The following TNS3 variants were observed in gnomAD, a reference collection of about 807,000 sequenced individuals.
TNS3 encodes the protein tensin 3.
Under a neutral mutation model 140.9 loss-of-function variants are expected in TNS3, and 45 were observed. That is an observed-to-expected ratio of 0.32 (90% CI 0.25 to 0.41). The LOEUF (loss-of-function observed/expected upper bound fraction) is 0.41, where lower values mean the gene tolerates loss of function less well. TNS3 is among the 10% of genes least tolerant of loss of function. The pLI, the probability that TNS3 is intolerant of heterozygous loss-of-function variation, is 1.00. For synonymous variants in TNS3, 815 were observed against 788.4 expected (o/e 1.03, Z -0.56); for missense variants, 1,716 against 1,906.7 (o/e 0.90, Z 1.86).
intron 20 of TNS3, among the ~76,000 whole-genome samples, chr7:47,331,203 T>G (rs1485053566): frequency 6.6e-6 from 1 of 152,214 alleles, no homozygotes; most frequent in African/African-American, 2.4e-5. Context: ...CCACAGGTTC[T>G]GTTTTCAGCA....
rs148972860 is a variant in TNS3, at chr7:47,440,728, G to A, written c.-22-1070C>T. ...AGGTGGAAAAGGTTCCAGGGAGAGGGGATGGGGTTGAACCCAATCGGTGCC... is the reference window on the plus strand; with the variant it reads ...AGGTGGAAAAGGTTCCAGGGAGAGGAGATGGGGTTGAACCCAATCGGTGCC... On this transcript the variant is annotated intron_variant, in intron 5 of 30. Coordinates refer to ENST00000311160, the MANE Select transcript of TNS3 (RefSeq NM_022748.12). 2.6e-3 allele frequency among the ~76,000 whole-genome samples: 403 copies of A among 152,298 alleles called. 1 individual carries two copies. The highest frequency in any genetic ancestry group is 9.2e-3 in the African/African-American group (384 of 41,558).
chr7:47,363,000 CAG>C (rs1562638612), intron 17 of TNS3, among the ~76,000 whole-genome samples: 8 of 7,220 alleles, frequency 1.1e-3, no homozygotes, highest in South Asian at 3.8e-3. Flanking sequence ...AACATCATCA[CAG>C]TCATCACCAT....
chr7:47,544,658 G>A (rs11976227), intron 1 of TNS3, among the ~76,000 whole-genome samples: 12,353 of 151,820 alleles, frequency 0.081, 1,682 homozygotes, highest in African/African-American at 0.28. Context: ...GCCTGAGGTC[G>A]CAGAGCTAAA....
At chr7:47,558,301 C>T (rs948578383) in intron 1 of TNS3, among the ~76,000 whole-genome samples, 6 of 152,224 alleles carry the variant, frequency 3.9e-5, no homozygotes, top group African/African-American at 9.6e-5. Context: ...AATGCTTCCT[C>T]GGCCTGCATT....
At chr7:47,412,254 G>T (rs920723778) in intron 12 of TNS3, among the ~76,000 whole-genome samples, 14 of 152,202 alleles carry the variant, frequency 9.2e-5, no homozygotes, top group Non-Finnish European at 1.5e-5. Flanking sequence ...TAAAATGCCT[G>T]TCCACATACA....
chr7:47,327,898 G>C (rs1464201994), intron 20 of TNS3, among the ~76,000 whole-genome samples: 2 of 152,182 alleles, frequency 1.3e-5, no homozygotes, highest in Non-Finnish European at 2.9e-5. Flanking sequence ...CTGGATCCGG[G>C]CCAGAGGCGC....
chr7:47,327,214 C>G (rs557831789), intron 20 of TNS3, among the ~76,000 whole-genome samples: 1 of 152,342 alleles, frequency 6.6e-6, no homozygotes, highest in South Asian at 2.1e-4. Context: ...CCCCTAGGTC[C>G]AGAAGCTCTG....
chr7:47,564,101 G>A (rs770774208), intron 1 of TNS3, among the ~76,000 whole-genome samples: 28 of 150,964 alleles, frequency 1.9e-4, no homozygotes, highest in Non-Finnish European at 2.8e-4. Context: ...GGCTGAAGCA[G>A]GAGAATGGCG....
In TNS3 at chr7:47,397,066, G is replaced by C. The variant is rs185895060; in HGVS notation, c.920-162C>G. On this transcript the variant is annotated intron_variant, in intron 15 of 30. Coordinates refer to ENST00000311160, the MANE Select transcript of TNS3 (RefSeq NM_022748.12). ...GGAGCCACAACACTAATCAGAGACT[G>C]TGGAGGATTTTCCACAACTAGAACC... Among the ~76,000 whole-genome samples the C allele has an allele frequency of 2.6e-4, 39 of 152,320 alleles. No homozygotes were observed. The East Asian group carries it at 6.6e-3, about 26-fold the overall frequency.
intron 13 of TNS3, among the ~76,000 whole-genome samples, chr7:47,410,227 C>T (rs183117400): frequency 6.6e-6 from 1 of 152,292 alleles, no homozygotes; most frequent in African/African-American, 2.4e-5. Context: ...GATGCTGCAC[C>T]ATCGCTGCAG....
chr7:47,470,361 CT>C (rs1318619207), intron 4 of TNS3: 1 of 798,710 alleles, frequency 1.3e-6, no homozygotes, highest in Non-Finnish European at 1.5e-6. Context: ...TTAAAAACAA[CT>C]TTAAAAATCT....
intron 16 of TNS3, among the ~76,000 whole-genome samples, chr7:47,383,901 G>T (rs1026095442): frequency 6.6e-6 from 1 of 152,150 alleles, no homozygotes; most frequent in African/African-American, 2.4e-5. Context: ...CTTCTGAGGA[G>T]GCCATTACCT....
In TNS3 at chr7:47,506,904, T is replaced by G; in HGVS notation, c.-115+3A>C. On this transcript the variant is annotated splice_donor_region_variant and intron_variant, in intron 3 of 30. Coordinates refer to ENST00000311160, the MANE Select transcript of TNS3 (RefSeq NM_022748.12). ...TCCCATGGGAAAGCAACGGAATGCTTACCTTGGCTTCACATTTCTTGTGGC... is the reference window on the plus strand; with the variant it reads ...TCCCATGGGAAAGCAACGGAATGCTGACCTTGGCTTCACATTTCTTGTGGC... The G allele has an allele frequency of 7.8e-7, 1 of 1,289,534 alleles. No individual in the cohort carries two copies. Among genetic ancestry groups the G allele is most frequent in the Non-Finnish European group, 1.0e-6 (1 of 988,746 alleles). 79.9% of individuals were successfully genotyped at this position (1,289,534 alleles called of 1,614,324 possible).
At chr7:47,313,092 G>A (rs931903710) in intron 20 of TNS3, among the ~76,000 whole-genome samples, 4 of 152,142 alleles carry the variant, frequency 2.6e-5, no homozygotes, top group African/African-American at 9.7e-5. Context: ...TGAGCTGCAG[G>A]AGGACCCACA....
intron 4 of TNS3, among the ~76,000 whole-genome samples, chr7:47,474,117 A>AACACACACAC (rs35049083): frequency 0.042 from 6,159 of 145,324 alleles, 193 homozygotes; most frequent in East Asian, 0.083. Context: ...AGCAAGTCTC[A>AACACACACAC]ACACACACAC....
intron 20 of TNS3, among the ~76,000 whole-genome samples, chr7:47,313,629 C>A (rs1021883381): frequency 3.3e-4 from 50 of 152,314 alleles, no homozygotes; most frequent in African/African-American, 1.0e-3. Flanking sequence ...TCCCACAAAG[C>A]CACGGGGGCA....
At chr7:47,467,870 C>T (rs1796789279) in intron 4 of TNS3, among the ~76,000 whole-genome samples, 1 of 152,176 alleles carries the variant, frequency 6.6e-6, no homozygotes, top group African/African-American at 2.4e-5. Context: ...CGCTGGCTGT[C>T]CCCCAAGTGG....
At chr7:47,507,293 AAAG>A (rs139447162) in intron 2 of TNS3, among the ~76,000 whole-genome samples, 2,807 of 152,306 alleles carry the variant, frequency 0.018, 43 homozygotes, top group South Asian at 0.04. Context: ...CTGGATCCCT[AAAG>A]AAGAATAGTG....
intron 1 of TNS3, among the ~76,000 whole-genome samples, chr7:47,567,143 TG>T (rs1317841893): frequency 1.3e-4 from 19 of 151,732 alleles, no homozygotes; most frequent in Admixed American, 9.2e-4. Flanking sequence ...CTGAATCTAA[TG>T]AGGAGAGAAG....
Sources: allele counts gnomAD v4.1 joint callset (sites outside exome capture counted in the v4.1 genomes callset), GRCh38; gene constraint gnomAD v4.1.1; transcripts MANE v1.5; gene names NCBI Gene and HGNC (gene_info 2026-07-23, HGNC 2026-07-21).